DLG2: variants seen among roughly 807,000 people sequenced by gnomAD.
The protein encoded by DLG2 is discs large MAGUK scaffold protein 2.
DLG2 carries 45 observed loss-of-function variants against 132.5 expected under a neutral mutation model. The observed-to-expected ratio is 0.34, with a 90% CI of 0.27 to 0.44. The LOEUF is 0.44. Among genes scored for constraint, DLG2 ranks in the 20% least tolerant of loss-of-function variants. The pLI, the probability that DLG2 is intolerant of heterozygous loss-of-function variation, is 1.00. For synonymous variants in DLG2, 424 were observed against 419.6 expected (o/e 1.01, Z -0.13); for missense variants, 1,045 against 1,196.9 (o/e 0.87, Z 1.87).
chr11:84,988,354 C>T (rs2056726884), intron 6 of DLG2, among the ~76,000 whole-genome samples: 1 of 152,144 alleles, frequency 6.6e-6, no homozygotes, highest in Admixed American at 6.5e-5. Flanking sequence ...CCAGCGATCC[C>T]ACTACTGGCT....
chr11:85,397,478 A>T (rs538228306), intron 3 of DLG2, among the ~76,000 whole-genome samples: 3 of 152,364 alleles, frequency 2.0e-5, no homozygotes, highest in Admixed American at 1.3e-4. Context: ...AAAGATAAAG[A>T]TTGGCAAATT....
At chr11:85,521,729 G>A (rs1308757961) in intron 3 of DLG2, among the ~76,000 whole-genome samples, 2 of 152,164 alleles carry the variant, frequency 1.3e-5, no homozygotes, top group East Asian at 3.9e-4. Context: ...AGATGAAGAT[G>A]AGGAACTTTT....
chr11:83,551,277 G>A (rs1422673286), intron 19 of DLG2, among the ~76,000 whole-genome samples: 2 of 152,024 alleles, frequency 1.3e-5, no homozygotes, highest in Non-Finnish European at 2.9e-5. Context: ...CTATACCCTG[G>A]TTCTACTGTT....
intron 6 of DLG2, among the ~76,000 whole-genome samples, chr11:84,802,869 G>T: frequency 6.6e-6 from 1 of 151,980 alleles, no homozygotes; most frequent in Non-Finnish European, 1.5e-5. Context: ...GCGCGATCTC[G>T]GCTCACTGCA....
intron 14 of DLG2, among the ~76,000 whole-genome samples, chr11:83,940,863 C>G (rs536931099): frequency 6.6e-6 from 1 of 152,062 alleles, no homozygotes; most frequent in Non-Finnish European, 1.5e-5. Context: ...GAGTATTAGA[C>G]GAAATGATGC....
chr11:84,626,855 T>TTTTATTTATTTTA, intron 6 of DLG2, among the ~76,000 whole-genome samples: 19 of 142,196 alleles, frequency 1.3e-4, no homozygotes, highest in South Asian at 2.3e-4. Context: ...ACATATTTTA[T>TTTTATTTATTTTA]TTTATTTTAT....
intron 10 of DLG2, among the ~76,000 whole-genome samples, 158 bp from the exon 11 acceptor site, chr11:84,059,642 A>T (rs2096559597): frequency 6.6e-6 from 1 of 152,196 alleles, no homozygotes; most frequent in African/African-American, 2.4e-5. Context: ...AAGGAAATCT[A>T]AAAAATGTCA....
chr11:84,235,800 G>A (rs1421212828), intron 8 of DLG2, among the ~76,000 whole-genome samples: 1 of 151,568 alleles, frequency 6.6e-6, no homozygotes, highest in Non-Finnish European at 1.5e-5. Context: ...CTTATTACAA[G>A]CCCCTTACTA....
intron 4 of DLG2, among the ~76,000 whole-genome samples, chr11:85,196,413 T>C (rs1384676273): frequency 1.3e-5 from 2 of 152,068 alleles, no homozygotes; most frequent in Non-Finnish European, 2.9e-5. Flanking sequence ...ACTGAGAAAA[T>C]AGGTGAGCCA....
chr11:85,506,945 C>A (rs963667545), intron 3 of DLG2, among the ~76,000 whole-genome samples: 7 of 152,046 alleles, frequency 4.6e-5, no homozygotes, highest in Non-Finnish European at 8.8e-5. Flanking sequence ...TTCTTCTTGT[C>A]GAATTGATCC....
chr11:84,056,467 T>C (rs903460014), intron 11 of DLG2, among the ~76,000 whole-genome samples: 2 of 152,170 alleles, frequency 1.3e-5, no homozygotes, highest in African/African-American at 2.4e-5. Context: ...GTTCATTTTC[T>C]GTTGCATTAA....
At chr11:85,221,880 C>A (rs1253838708) in intron 4 of DLG2, among the ~76,000 whole-genome samples, 5 of 152,062 alleles carry the variant, frequency 3.3e-5, no homozygotes, top group Admixed American at 1.3e-4. Context: ...TTCCCAAAAA[C>A]CCTGTGAAGT....
At chr11:84,831,237 G>T (rs1383714326) in intron 6 of DLG2, among the ~76,000 whole-genome samples, 2 of 151,432 alleles carry the variant, frequency 1.3e-5, no homozygotes, top group African/African-American at 4.8e-5. Context: ...TTTAAAAAGG[G>T]CAAGTGAGAG....
chr11:85,105,747 T>C (rs1243394059), intron 6 of DLG2, among the ~76,000 whole-genome samples: 1 of 151,978 alleles, frequency 6.6e-6, no homozygotes, highest in African/African-American at 2.4e-5. Flanking sequence ...AAAAATTGTA[T>C]GTAGTCTTTC....
intron 6 of DLG2, among the ~76,000 whole-genome samples, chr11:84,715,941 T>C (rs1234447242): frequency 1.3e-5 from 2 of 152,120 alleles, no homozygotes; most frequent in African/African-American, 4.8e-5. Flanking sequence ...AGGGGATTGC[T>C]AGGTTATATG....
At chr11:85,408,909 C>A (rs1302607411) in intron 3 of DLG2, among the ~76,000 whole-genome samples, 1 of 151,786 alleles carries the variant, frequency 6.6e-6, no homozygotes, top group African/African-American at 2.4e-5. Flanking sequence ...TGGGTATATA[C>A]CCAGTAATGG....
chr11:85,298,942 TGCCCTAAAAA>T (rs1256943017), intron 3 of DLG2, among the ~76,000 whole-genome samples: 1 of 152,078 alleles, frequency 6.6e-6, no homozygotes, highest in East Asian at 1.9e-4. Context: ...AAAAATTTAA[TGCCCTAAAAA>T]TAAATTTTAA....
chr11:84,296,826 CTT>C (rs777120796), intron 7 of DLG2, among the ~76,000 whole-genome samples: 1 of 152,006 alleles, frequency 6.6e-6, no homozygotes, highest in Non-Finnish European at 1.5e-5. Context: ...TGATGATTTC[CTT>C]CTCAGCATTC....
At position 84,550,396 on chromosome 11, in the gene DLG2, C is replaced by T. The variant is rs191544379; in HGVS notation, c.358-15665G>A. ...ACCTCTAGCTAGGTCAACACTCCTA[C>T]TCTTGGTATCTTCCACTTATGATGA... is the stretch of plus-strand genomic sequence containing the variant. On this transcript the variant is annotated intron_variant, in intron 6 of 27. Coordinates refer to ENST00000376104, the MANE Select transcript of DLG2 (RefSeq NM_001142699.3). 9.2e-4 allele frequency among the ~76,000 whole-genome samples: 140 copies of T among 152,268 alleles called. 1 individual carries two copies. The highest frequency in any genetic ancestry group is 1.8e-3 in the Non-Finnish European group (122 of 68,020).
Sources: gnomAD v4.1 joint callset for allele counts (sites outside exome capture counted in the v4.1 genomes callset) on GRCh38, gnomAD v4.1.1 for gene constraint, MANE v1.5 for transcripts, NCBI Gene and HGNC (gene_info 2026-07-23, HGNC 2026-07-21) for gene names.